The following OGT variants were observed in gnomAD, a reference collection of about 807,000 sequenced individuals.
OGT encodes the protein O-linked N-acetylglucosamine (GlcNAc) transferase, also known as UDP-N-acetylglucosamine--peptide N-acetylglucosaminyltransferase 110 kDa subunit.
OGT carries 3 observed loss-of-function variants against 75.8 expected under a neutral mutation model. That is an observed-to-expected ratio of 0.04 (90% CI 0.02 to 0.10). The LOEUF (loss-of-function observed/expected upper bound fraction) is 0.10, where lower values mean the gene tolerates loss of function less well. Ranked by LOEUF, OGT falls within the 10% of genes least tolerant of loss-of-function variation. The pLI is 1.00. For missense variants in OGT, 260 were observed against 824.4 expected (o/e 0.32, Z 8.38); for synonymous variants, 257 against 289.7 (o/e 0.89, Z 1.15).
At chrX:71,550,169 C>A (rs1349840645) in intron 5 of OGT, among the ~76,000 whole-genome samples, 1 of 111,752 alleles carries the variant, frequency 8.9e-6, no homozygotes, top group African/African-American at 3.2e-5. Context: ...TACTAGTTCC[C>A]AAAATGGCTG....
chrX:71,557,469 A>G (rs767152165), intron 11 of OGT, 24 bp from the exon 12 acceptor site: 1 of 1,194,330 alleles, frequency 8.4e-7, no homozygotes, highest in Admixed American at 2.3e-5. Context: ...TTTCTGGATA[A>G]TAACTTGTTT....
In OGT at chrX:71,573,714, C is replaced by G. The variant is rs1397291836; in HGVS notation, c.3061C>G (p.Leu1021Val). 8.3e-7 allele frequency: 1 copy of G among 1,209,766 alleles called. No individual in the cohort carries two copies. Among genetic ancestry groups the G allele is most frequent in the East Asian group, 3.0e-5 (1 of 33,845 alleles). Residue 1021 changes from leucine to valine, a missense_variant, in exon 22 of 22, where the codon CTA becomes GTA. Around this residue, in one of 6 missense-constraint regions of OGT, gnomAD observed 34 missense variants for 57.5 expected, o/e 0.59. Coordinates refer to ENST00000373719, the MANE Select transcript of OGT (RefSeq NM_181672.3). ...QYTMELERLY[L>V]QMWEHYAAGN... The stretch of plus-strand genomic sequence containing the variant: ...CACAATGGAACTAGAGCGGCTCTAT[C>G]TACAGATGTGGGAGCATTATGCAGC...
chrX:71,537,030 G>T lies in OGT; in HGVS notation c.218+672G>T, dbSNP rs574291777. The T allele has an allele frequency of 2.4e-5, 4 of 169,469 alleles. No homozygotes were observed. The South Asian group carries it at 3.0e-4, about 13-fold the overall frequency. 14.0% of individuals were successfully genotyped at this position (169,469 alleles called of 1,213,427 possible). Reference sequence around the variant, plus strand: ...GTTGCCTAGGCTGGAGTGCAGCGGCGCCATCTCGGCTCACTGCAACTCTGC... The same window carrying T: ...GTTGCCTAGGCTGGAGTGCAGCGGCTCCATCTCGGCTCACTGCAACTCTGC... On this transcript the variant is annotated intron_variant, in intron 2 of 21. Transcript: ENST00000373719.
At chrX:71,535,243 A>G (rs1199893514) in intron 1 of OGT, among the ~76,000 whole-genome samples, 4 of 107,094 alleles carry the variant, frequency 3.7e-5, no homozygotes, top group African/African-American at 1.4e-4. Context: ...GTTGCGCTTT[A>G]TCAAATATAT....
Position 71,537,979 on chromosome X carries a change from C to T in OGT, c.369C>T (p.Ile123=), listed in dbSNP as rs769431858. The part of the protein sequence containing the change: ...RHALRLKPDF[I]DGYINLAAAL... ...CATTGCGTCTCAAACCTGATTTCAT[C>T]GATGGTTATATTAACCTGGCAGCCG... Residue 123 remains isoleucine, a synonymous_variant, in exon 3 of 22, where the codon ATC becomes ATT. Transcript: ENST00000373719. The T allele has an allele frequency of 1.7e-6, 2 of 1,211,711 alleles. No homozygotes were observed. Among genetic ancestry groups the T allele is most frequent in the Non-Finnish European group, 1.1e-6 (1 of 895,421 alleles).
intron 1 of OGT, among the ~76,000 whole-genome samples, chrX:71,535,399 G>GGT (rs2040168509): frequency 9.0e-6 from 1 of 111,682 alleles, no homozygotes; most frequent in African/African-American, 3.3e-5. Context: ...AACCAACGTG[G>GGT]GTGGGATTTA....
chrX:71,551,923 T>C (rs894773277), intron 5 of OGT, among the ~76,000 whole-genome samples: 8 of 111,088 alleles, frequency 7.2e-5, no homozygotes, highest in Non-Finnish European at 1.1e-4. Context: ...AATTAAACTT[T>C]TAGGCCGGGT....
At chrX:71,570,657 T>A in intron 21 of OGT, among the ~76,000 whole-genome samples, 1 of 111,790 alleles carries the variant, frequency 8.9e-6, no homozygotes, top group Middle Eastern at 4.6e-3. Context: ...ATTCAGCAGA[T>A]GTTAGCTACT....
In OGT at chrX:71,556,082, T is replaced by A. The variant is rs762613404; in HGVS notation, c.1053T>A (p.Arg351=). The A allele has an allele frequency of 7.4e-6, 9 of 1,211,660 alleles. No homozygotes were observed. In the South Asian group the frequency reaches 1.6e-4, roughly 21 times the overall value. Reference sequence around the variant, plus strand: ...TTGAAGAGGCAGTTCGCTTGTATCGTAAAGCATTAGAAGTATGTGAGGGTG... The same window carrying A: ...TTGAAGAGGCAGTTCGCTTGTATCGAAAAGCATTAGAAGTATGTGAGGGTG... The part of the protein sequence containing the change: ...GNIEEAVRLY[R]KALEVFPEFA... The change falls in exon 8 of 22, where the codon CGT becomes CGA. Residue 351 remains arginine (R), a synonymous_variant. Coordinates refer to ENST00000373719, the MANE Select transcript of OGT (RefSeq NM_181672.3).
chrX:71,537,583 G>A (rs1026332047), intron 2 of OGT, among the ~76,000 whole-genome samples: 7 of 112,730 alleles, frequency 6.2e-5, no homozygotes, highest in East Asian at 2.8e-4. Flanking sequence ...GATTACAGGC[G>A]TGAGCCACTG....
chrX:71,564,602 T>C lies in OGT; in HGVS notation c.2438T>C (p.Ile813Thr). The C allele has an allele frequency of 8.3e-7, 1 of 1,202,097 alleles. No homozygotes were observed. The highest frequency in any genetic ancestry group is 1.8e-5 in the South Asian group (1 of 55,139). The change falls in exon 19 of 22, where the codon ATC becomes ACC. Residue 813 changes from isoleucine to threonine, a missense_variant and splice_region_variant. Coordinates refer to ENST00000373719, the MANE Select transcript of OGT (RefSeq NM_181672.3). Reference sequence around the variant, plus strand: ...ACCATCATTTTTTTCTTGTTCTAGATCAACAATAAGGCTGCAACTGGAGAG... The same window carrying C: ...ACCATCATTTTTTTCTTGTTCTAGACCAACAATAAGGCTGCAACTGGAGAG... ...SISNGLATTQ[I>T]NNKAATGEEV...
In OGT at chrX:71,574,636, A is replaced by C. The variant is rs1257025728; in HGVS notation, c.*842A>C. ...GTGGTACTGTCATTGATAATAATAT[A>C]GTTTTTTTTTTTTTCCTAATTTTGA... On this transcript the variant is annotated 3_prime_UTR_variant, in exon 22 of 22. Coordinates refer to ENST00000373719, the MANE Select transcript of OGT (RefSeq NM_181672.3). 9.3e-6 allele frequency: 1 copy of C among 107,553 alleles called. No individual in the cohort carries two copies. Among genetic ancestry groups the C allele is most frequent in the African/African-American group, 3.4e-5 (1 of 29,336 alleles). 8.9% of individuals were successfully genotyped at this position (107,553 alleles called of 1,213,427 possible).
rs1445550075 is a variant in OGT at position 71,574,650 on chromosome X, T to C, written c.*856T>C. 4.5e-5 allele frequency: 5 copies of C among 110,182 alleles called. No homozygotes were observed. The highest frequency in any genetic ancestry group is 4.6e-3 in the Middle Eastern group (1 of 217). The allele number at this position is 110,182 out of a possible 1,213,427, so 9.1% of individuals were successfully genotyped here. On this transcript the variant is annotated 3_prime_UTR_variant, in exon 22 of 22. Coordinates refer to ENST00000373719, the MANE Select transcript of OGT (RefSeq NM_181672.3). ...GATAATAATATAGTTTTTTTTTTTT[T>C]CCTAATTTTGACCTGTTTCACCAGT...
At chrX:71,541,472 G>A (rs1417831081) in intron 3 of OGT, among the ~76,000 whole-genome samples, 1 of 111,646 alleles carries the variant, frequency 9.0e-6, no homozygotes, top group Non-Finnish European at 1.9e-5. Context: ...GGGAAGTTGC[G>A]GGTTATAATA....
intron 21 of OGT, among the ~76,000 whole-genome samples, chrX:71,569,752 T>C (rs985988722): frequency 1.8e-5 from 2 of 110,582 alleles, no homozygotes; most frequent in African/African-American, 3.3e-5. Flanking sequence ...CTTTTTTTTT[T>C]CTGGACGGAG....
intron 5 of OGT, 82 bp downstream of exon 5, chrX:71,548,105 G>C (rs755357968): frequency 2.0e-4 from 186 of 939,975 alleles, no homozygotes; most frequent in Non-Finnish European, 2.4e-4. Context: ...ATAGGTCTTA[G>C]CCAGTGACAT....
At chrX:71,570,275 G>T (rs764864251) in intron 21 of OGT, among the ~76,000 whole-genome samples, 1 of 109,836 alleles carries the variant, frequency 9.1e-6, no homozygotes, top group East Asian at 2.8e-4. Context: ...TCCTGACCTC[G>T]TGATCCACCC....
chrX:71,547,122 G>C, intron 4 of OGT: 1 of 754,724 alleles, frequency 1.3e-6, no homozygotes, highest in Non-Finnish European at 1.6e-6. Flanking sequence ...CCTCAACCTA[G>C]GTGCAATCCT....
chrX:71,538,541 C>CT (rs1473070116), intron 3 of OGT, among the ~76,000 whole-genome samples: 1 of 112,229 alleles, frequency 8.9e-6, no homozygotes, highest in Non-Finnish European at 1.9e-5. Flanking sequence ...ATTCTCTTCT[C>CT]TTTCAATGTA....
Sources: gnomAD v4.1 joint callset for allele counts (sites outside exome capture counted in the v4.1 genomes callset) on GRCh38, gnomAD v4.1.1 for gene constraint, gnomAD v4.1.1 regional missense constraint, MANE v1.5 for transcripts, NCBI Gene and HGNC (gene_info 2026-07-23, HGNC 2026-07-21) for gene names.